HEMK2: variants seen among roughly 807,000 people sequenced by gnomAD.
The protein encoded by HEMK2 is HemK methyltransferase 2, ETF1 glutamine and histone H4 lysine, also known as methyltransferase HEMK2.
At chr21:28,764,267 A>T in the HEMK2 span, among the ~76,000 whole-genome samples, 1 of 152,072 alleles carries the variant, frequency 6.6e-6, no homozygotes, top group Non-Finnish European at 1.5e-5. Flanking sequence ...CAGCAGGACA[A>T]ACTGTATCTG....
the HEMK2 span, among the ~76,000 whole-genome samples, chr21:28,784,797 A>T: frequency 6.6e-6 from 1 of 152,234 alleles, no homozygotes; most frequent in African/African-American, 2.4e-5. Flanking sequence ...GTAGGGCCAG[A>T]TAAGGGAATA....
the HEMK2 span, among the ~76,000 whole-genome samples, chr21:28,798,771 A>T: frequency 6.6e-6 from 1 of 152,208 alleles, no homozygotes; most frequent in Non-Finnish European, 1.5e-5. Context: ...CAGCTAATAC[A>T]ACTCCTTGGG....
the HEMK2 span, among the ~76,000 whole-genome samples, chr21:28,722,794 G>A: frequency 6.6e-6 from 1 of 152,210 alleles, no homozygotes; most frequent in Admixed American, 6.5e-5. Flanking sequence ...TGAGGCAGGA[G>A]AATCGCTTGA....
the HEMK2 span, among the ~76,000 whole-genome samples, chr21:28,853,138 G>A: frequency 6.6e-6 from 1 of 152,062 alleles, no homozygotes; most frequent in South Asian, 2.1e-4. Context: ...ATATCTTCTG[G>A]ACCCTCCCAG....
the HEMK2 span, among the ~76,000 whole-genome samples, chr21:28,611,699 G>C: frequency 6.2e-4 from 95 of 152,170 alleles, no homozygotes; most frequent in Non-Finnish European, 1.1e-3. Context: ...CTTGAGGTCA[G>C]GAGTTCAAGA....
At chr21:28,829,258 C>T in the HEMK2 span, among the ~76,000 whole-genome samples, 1 of 152,190 alleles carries the variant, frequency 6.6e-6, no homozygotes, top group Non-Finnish European at 1.5e-5. Flanking sequence ...TTGTGAGTTG[C>T]CCCTTGGTAT....
At chr21:28,731,013 T>C in the HEMK2 span, among the ~76,000 whole-genome samples, 1 of 151,724 alleles carries the variant, frequency 6.6e-6, no homozygotes, top group African/African-American at 2.4e-5. Flanking sequence ...AGCCTGTCCA[T>C]GGGTGAAATG....
the HEMK2 span, among the ~76,000 whole-genome samples, chr21:28,600,855 C>A: frequency 2.0e-5 from 3 of 152,174 alleles, no homozygotes; most frequent in Non-Finnish European, 4.4e-5. Flanking sequence ...AGGGCAGGGG[C>A]AAAATGCCAC....
chr21:28,652,432 C>CT, the HEMK2 span, among the ~76,000 whole-genome samples: 653 of 138,000 alleles, frequency 4.7e-3, 4 homozygotes, highest in African/African-American at 0.015. Flanking sequence ...TCTTTTCTTC[C>CT]TCCCTTCCTT....
At chr21:28,652,395 TTTTC>T in the HEMK2 span, among the ~76,000 whole-genome samples, 3 of 152,066 alleles carry the variant, frequency 2.0e-5, no homozygotes, top group African/African-American at 7.2e-5. Context: ...AGTTTCTTCC[TTTTC>T]TTTCTTTTTT....
the HEMK2 span, among the ~76,000 whole-genome samples, chr21:28,630,529 C>A: frequency 1.3e-5 from 2 of 151,678 alleles, no homozygotes; most frequent in African/African-American, 4.9e-5. Context: ...GGAACCAACC[C>A]AAATGTCCAA....
chr21:28,585,807 TA>T, the HEMK2 span, among the ~76,000 whole-genome samples: 4 of 151,242 alleles, frequency 2.6e-5, no homozygotes, highest in Non-Finnish European at 5.9e-5. Flanking sequence ...AGATAACGGC[TA>T]AAAATTTTAC....
chr21:28,761,168 C>G, the HEMK2 span, among the ~76,000 whole-genome samples: 2 of 151,984 alleles, frequency 1.3e-5, no homozygotes, highest in Non-Finnish European at 2.9e-5. Context: ...TTTGAATCAT[C>G]TATGTCCTTC....
At chr21:28,859,133 T>C in the HEMK2 span, among the ~76,000 whole-genome samples, 1 of 152,176 alleles carries the variant, frequency 6.6e-6, no homozygotes, top group African/African-American at 2.4e-5. Flanking sequence ...ATCTTCATTA[T>C]TAAAGTTCCA....
At chr21:28,690,682 C>A in the HEMK2 span, among the ~76,000 whole-genome samples, 1 of 152,112 alleles carries the variant, frequency 6.6e-6, no homozygotes, top group Non-Finnish European at 1.5e-5. Flanking sequence ...AGAAACCACT[C>A]TCTTGCCTTT....
At chr21:28,616,944 A>C in the HEMK2 span, among the ~76,000 whole-genome samples, 1 of 152,216 alleles carries the variant, frequency 6.6e-6, no homozygotes, top group Non-Finnish European at 1.5e-5. Context: ...TTTTTAAGGC[A>C]CTGAGGCACA....
the HEMK2 span, among the ~76,000 whole-genome samples, chr21:28,701,422 C>A: frequency 6.6e-6 from 1 of 152,106 alleles, no homozygotes; most frequent in South Asian, 2.1e-4. Flanking sequence ...ACCCCTTGAT[C>A]TGATAAACAA....
chr21:28,779,035 A>G, the HEMK2 span, among the ~76,000 whole-genome samples: 1 of 152,214 alleles, frequency 6.6e-6, no homozygotes, highest in Non-Finnish European at 1.5e-5. Context: ...GAAGCTAGAC[A>G]TTAAAATTAG....
the HEMK2 span, among the ~76,000 whole-genome samples, chr21:28,635,134 C>T: frequency 1.4e-5 from 2 of 147,926 alleles, no homozygotes; most frequent in African/African-American, 2.5e-5. Flanking sequence ...TGGAGTTTCG[C>T]TCTTTCTCCC....
Sources: allele counts gnomAD v4.1 joint callset (sites outside exome capture counted in the v4.1 genomes callset), GRCh38; gene constraint gnomAD v4.1.1; transcripts MANE v1.5; gene names NCBI Gene and HGNC (gene_info 2026-07-23, HGNC 2026-07-21).